The following SPATA6L variants were observed in gnomAD, a reference collection of about 807,000 sequenced individuals.
The protein encoded by SPATA6L is spermatogenesis associated 6 like.
Under a neutral mutation model 49.2 loss-of-function variants are expected in SPATA6L, and 68 were observed. The ratio of observed to expected loss-of-function variants is 1.38; its 90% CI spans 1.14 to 1.69. The LOEUF is 1.69. Ranked by LOEUF, SPATA6L falls within the 40% of genes most tolerant of loss-of-function variation. The pLI is 0.00. For synonymous variants in SPATA6L, 198 were observed against 165.7 expected, an observed-to-expected ratio of 1.19 and a Z score of -1.50; for missense variants, 668 against 464.3, an observed-to-expected ratio of 1.44 and a Z score of -4.03.
chr9:4,632,922 G>A (rs573315421), intron 4 of SPATA6L: 1 of 152,332 alleles, frequency 6.6e-6, no homozygotes, highest in African/African-American at 2.4e-5. Flanking sequence ...CAACATGGAT[G>A]TGATCCCCAA....
intron 10 of SPATA6L, among the ~76,000 whole-genome samples, chr9:4,604,666 T>C (rs2130097155): frequency 6.6e-6 from 1 of 152,304 alleles, no homozygotes; most frequent in South Asian, 2.1e-4. Context: ...CAAACAACAT[T>C]TAGTTTTAAG....
intron 3 of SPATA6L, among the ~76,000 whole-genome samples, chr9:4,636,664 C>T (rs980245940): frequency 3.9e-5 from 6 of 152,186 alleles, no homozygotes; most frequent in Admixed American, 3.9e-4. Flanking sequence ...GTTTTCAGTA[C>T]ATCAACTGTA....
chr9:4,646,984 T>C (rs1287793110), intron 3 of SPATA6L, among the ~76,000 whole-genome samples: 1 of 152,028 alleles, frequency 6.6e-6, no homozygotes, highest in Admixed American at 6.6e-5. Context: ...ACTTAATACC[T>C]GGGTGACAAT....
rs756831705 is a variant in SPATA6L at position 4,625,427 on chromosome 9, T to A, written c.569A>T (p.Tyr190Phe). The A allele has an allele frequency of 6.2e-7, 1 of 1,614,164 alleles. No individual in the cohort carries two copies. The highest frequency in any genetic ancestry group is 8.5e-7 in the Non-Finnish European group (1 of 1,180,018). ...KGMQARAPSQ[Y>F]STRHFFQDQP... ...GTCCTGGAAGAAATGCCTGGTAGAA[T>A]ATTGAGAGGGCGCCCGGGCTTGCAT... The change falls in exon 6 of 12, where the codon TAT becomes TTT. Residue 190 changes from tyrosine (Y) to phenylalanine (F), a missense_variant. By Grantham distance (22) the Tyr-to-Phe change is conservative. Transcript: ENST00000682582.
chr9:4,666,244 G>C lies in SPATA6L; in HGVS notation c.7C>G (p.Leu3Val). The C allele has an allele frequency of 6.2e-7, 1 of 1,614,194 alleles. No individual in the cohort carries two copies. Among genetic ancestry groups the C allele is most frequent in the Non-Finnish European group, 8.5e-7 (1 of 1,180,038 alleles). MP[L>V]EVVVELQIRA... is the part of the protein sequence containing the mutation. ...ATCTGCAGCTCCACCACCACCTCCA[G>C]AGGCATCGTTCCCTGCGTGGGCGAA... Residue 3 changes from leucine to valine, a missense_variant, in exon 1 of 12, where the codon CTG becomes GTG. By Grantham distance (32) the Leu-to-Val change is conservative. Coordinates refer to ENST00000682582, the MANE Select transcript of SPATA6L (RefSeq NM_001353486.2).
chr9:4,596,173 GC>G (rs1192486568), downstream of SPATA6L, among the ~76,000 whole-genome samples: 3 of 152,126 alleles, frequency 2.0e-5, no homozygotes, highest in African/African-American at 7.2e-5. Context: ...CTTCAAGAGG[GC>G]ACGGGTTGAA....
In SPATA6L at chr9:4,599,950, T is replaced by C. The variant is rs530551343; in HGVS notation, c.*861A>G. On this transcript the variant is annotated 3_prime_UTR_variant, in exon 12 of 12. Transcript: ENST00000682582. ...GGGTCTGTATCAATGAAGACAAATG[T>C]GCCTCTAGTCTCCCTTTATCCCAGC... Among the ~76,000 whole-genome samples the C allele has an allele frequency of 8.5e-5, 13 of 152,312 alleles. No homozygotes were observed. The East Asian group carries it at 2.5e-3, about 29-fold the overall frequency.
chr9:4,641,335 AG>A (rs527564522), intron 3 of SPATA6L, among the ~76,000 whole-genome samples: 1,638 of 152,318 alleles, frequency 0.011, 16 homozygotes, highest in Non-Finnish European at 0.017. Context: ...TGAATGCTCA[AG>A]TCCCTGATAT....
downstream of SPATA6L, among the ~76,000 whole-genome samples, chr9:4,594,949 A>C (rs1245410385): frequency 1.3e-5 from 2 of 152,148 alleles, no homozygotes; most frequent in Non-Finnish European, 2.9e-5. Context: ...AGTAATTCTA[A>C]GTGTTCCCTA....
intron 9 of SPATA6L, among the ~76,000 whole-genome samples, chr9:4,606,183 G>C (rs1381303285): frequency 6.6e-6 from 1 of 151,418 alleles, no homozygotes; most frequent in African/African-American, 2.4e-5. Context: ...TAGCACAGCA[G>C]TCTGAGATCA....
downstream of SPATA6L, chr9:4,596,396 T>C (rs946165835): frequency 6.6e-6 from 1 of 152,162 alleles, no homozygotes; most frequent in Non-Finnish European, 1.5e-5. Flanking sequence ...AATGAAGAGT[T>C]CCCACCATGA....
chr9:4,622,802 A>G (rs1464318717), intron 6 of SPATA6L, among the ~76,000 whole-genome samples: 2 of 152,242 alleles, frequency 1.3e-5, no homozygotes, highest in South Asian at 2.1e-4. Context: ...CCGCACAGAA[A>G]GAGAGCAAGT....
chr9:4,624,053 G>C (rs533563660), intron 6 of SPATA6L, among the ~76,000 whole-genome samples: 32 of 152,110 alleles, frequency 2.1e-4, no homozygotes, highest in Non-Finnish European at 4.0e-4. Context: ...TTCACTTCGA[G>C]ATTTACTACA....
At chr9:4,632,114 A>G (rs1301324524) in intron 4 of SPATA6L, among the ~76,000 whole-genome samples, 1 of 138,684 alleles carries the variant, frequency 7.2e-6, no homozygotes, top group African/African-American at 2.8e-5. Flanking sequence ...ATCTTGGCTC[A>G]CTCTGACCTC....
chr9:4,653,991 C>T (rs563537541), intron 3 of SPATA6L, among the ~76,000 whole-genome samples: 1 of 152,240 alleles, frequency 6.6e-6, no homozygotes, highest in African/African-American at 2.4e-5. Flanking sequence ...GGCAAAGGAT[C>T]TGAATAGACA....
At chr9:4,649,891 T>C (rs546885579) in intron 3 of SPATA6L, among the ~76,000 whole-genome samples, 50 of 152,340 alleles carry the variant, frequency 3.3e-4, no homozygotes, top group African/African-American at 1.1e-3. Context: ...TGAATTTTTT[T>C]TCTGAATTTA....
intron 3 of SPATA6L, among the ~76,000 whole-genome samples, chr9:4,638,565 G>A (rs79399638): frequency 6.6e-6 from 1 of 151,824 alleles, no homozygotes; most frequent in East Asian, 1.9e-4. Context: ...GTCTCATCCT[G>A]GCCTTCTTCA....
At chr9:4,626,634 C>T in intron 5 of SPATA6L, 2 of 1,125,644 alleles carry the variant, frequency 1.8e-6, no homozygotes, top group Non-Finnish European at 2.3e-6. Context: ...TCTTTCAACC[C>T]CTGTTTAGCC....
intron 8 of SPATA6L, among the ~76,000 whole-genome samples, chr9:4,618,638 C>T (rs1828564490): frequency 6.6e-6 from 1 of 152,176 alleles, no homozygotes; most frequent in African/African-American, 2.4e-5. Context: ...GGTCTACATA[C>T]ACCCTCCTTG....
Sources: allele counts gnomAD v4.1 joint callset (sites outside exome capture counted in the v4.1 genomes callset), GRCh38; gene constraint gnomAD v4.1.1; transcripts MANE v1.5; gene names NCBI Gene and HGNC (gene_info 2026-07-23, HGNC 2026-07-21).